The following GALK2 variants were observed in gnomAD, a reference collection of about 807,000 sequenced individuals.
GALK2 encodes the protein N-acetylgalactosamine kinase.
GALK2 carries 36 observed loss-of-function variants against 52.4 expected under a neutral mutation model. The observed-to-expected ratio is 0.69, with a 90% confidence interval of 0.53 to 0.91. The LOEUF is 0.91. Among genes scored for constraint, GALK2 ranks in the 40% least tolerant of loss-of-function variants. The pLI is 0.00. For synonymous variants in GALK2, 176 were observed against 199.1 expected (o/e 0.88, Z 0.98); for missense variants, 579 against 559.1 (o/e 1.04, Z -0.36).
At chr15:49,300,728 C>T (rs1238798680) in intron 8 of GALK2, among the ~76,000 whole-genome samples, 1 of 152,148 alleles carries the variant, frequency 6.6e-6, no homozygotes, top group Non-Finnish European at 1.5e-5. Flanking sequence ...TCACTTGGCA[C>T]TTCTCCTTGC....
At chr15:49,289,173 G>T (rs542193022) in intron 7 of GALK2, among the ~76,000 whole-genome samples, 42 of 152,272 alleles carry the variant, frequency 2.8e-4, no homozygotes, top group African/African-American at 8.9e-4. Flanking sequence ...GCTGCACGTG[G>T]TCAGGAGCCA....
At position 49,254,714 on chromosome 15, in the gene GALK2, C is replaced by T. The variant is rs2091742161; in HGVS notation, c.504+15347C>T. Among the ~76,000 whole-genome samples, 3 of 143,906 alleles carry T rather than the reference C, an allele frequency of 2.1e-5. 1 individual carries two copies. 94.4% of individuals were successfully genotyped at this position (143,906 alleles called of 152,430 possible). A position where few individuals can be genotyped will look rare whatever the true frequency, so the allele number is the denominator to read the frequency against. ...ATGTAGATTTTTTAGGGATAGTTCA[C>T]AGAAACCTATGTGTTAATGCAGGGT... On this transcript the variant is annotated intron_variant, in intron 5 of 9. Transcript: ENST00000560031.
intron 5 of GALK2, among the ~76,000 whole-genome samples, chr15:49,246,551 G>C (rs2091360629): frequency 6.6e-6 from 1 of 152,190 alleles, no homozygotes; most frequent in Non-Finnish European, 1.5e-5. Flanking sequence ...GATGAAGACT[G>C]AAAGAGCCAG....
chr15:49,259,849 C>T (rs1290259844), intron 5 of GALK2, among the ~76,000 whole-genome samples: 3 of 149,444 alleles, frequency 2.0e-5, no homozygotes, highest in Admixed American at 1.3e-4. Context: ...TTTGTTCTTG[C>T]GATACTTTAC....
intron 8 of GALK2, among the ~76,000 whole-genome samples, chr15:49,308,626 C>T (rs535090764): frequency 2.0e-5 from 3 of 152,244 alleles, no homozygotes; most frequent in South Asian, 2.1e-4. Flanking sequence ...TATGAGGCTA[C>T]GTGGAGAAAC....
chr15:49,291,582 C>T (rs1168353582), intron 7 of GALK2, among the ~76,000 whole-genome samples: 2 of 152,112 alleles, frequency 1.3e-5, no homozygotes, highest in Non-Finnish European at 2.9e-5. Context: ...TTTTGATTGC[C>T]ACCTACTCTG....
intron 8 of GALK2, among the ~76,000 whole-genome samples, chr15:49,314,136 G>A (rs1427100815): frequency 6.6e-6 from 1 of 152,186 alleles, no homozygotes; most frequent in Admixed American, 6.5e-5. Context: ...CTTGATTAGA[G>A]ATGGGTTCTG....
chr15:49,299,740 TTTCTTTCTTTCTTTCTTTCTTTC>T (rs2034851364), intron 8 of GALK2, among the ~76,000 whole-genome samples: 11 of 95,764 alleles, frequency 1.1e-4, no homozygotes, highest in South Asian at 7.3e-4. Flanking sequence ...CTTTCTTTTC[TTTCTTTCTTTCTTTCTTTCTTTC>T]TTTCTTTCTT....
At chr15:49,269,637 T>C (rs988237225) in intron 5 of GALK2, among the ~76,000 whole-genome samples, 30 of 152,320 alleles carry the variant, frequency 2.0e-4, no homozygotes, top group Non-Finnish European at 3.4e-4. Context: ...TCCCTAGGAA[T>C]TGAAGTTAAG....
At chr15:49,168,788 TA>T (rs1471840874), upstream of GALK2, among the ~76,000 whole-genome samples, 49 of 128,966 alleles carry the variant, frequency 3.8e-4, no homozygotes, top group Non-Finnish European at 6.4e-4. Context: ...CATTTTTTTT[TA>T]AAATTTAGGT....
intron 8 of GALK2, among the ~76,000 whole-genome samples, chr15:49,304,608 G>A (rs189689698): frequency 6.6e-6 from 1 of 152,210 alleles, no homozygotes; most frequent in Non-Finnish European, 1.5e-5. Context: ...TTCAGTGAGG[G>A]TGAGGTAGTA....
At chr15:49,336,775 T>C (rs565878268), downstream of GALK2, among the ~76,000 whole-genome samples, 2 of 152,266 alleles carry the variant, frequency 1.3e-5, no homozygotes, top group Non-Finnish European at 2.9e-5. Flanking sequence ...TTTCACGATA[T>C]TGAGGTTTGG....
intron 3 of GALK2, among the ~76,000 whole-genome samples, chr15:49,336,884 T>C (rs1427499144): frequency 6.6e-6 from 1 of 152,182 alleles, no homozygotes; most frequent in African/African-American, 2.4e-5. Context: ...CAGTATGCAG[T>C]GTCTATTGTT....
rs1158359568 is a variant in GALK2 at position 49,159,589 on chromosome 15, A to AT, written c.20+3573_20+3574insT. On this transcript the variant is annotated intron_variant, in intron 1 of 9. Transcript: ENST00000327171. ...AGACTCTGTCTCAAAAAAAAAAAAA[A>AT]AAATAAAATAAAATAAATAATTCCA... 8.7e-4 allele frequency among the ~76,000 whole-genome samples: 130 copies of AT among 150,288 alleles called. 1 individual carries two copies. The highest frequency in any genetic ancestry group is 3.0e-3 in the African/African-American group (121 of 40,990).
Position 49,345,881 on chromosome 15 carries a change from G to T in GALK2, c.427-21610G>T, listed in dbSNP as rs181920181. 9.9e-5 allele frequency among the ~76,000 whole-genome samples: 15 copies of T among 152,260 alleles called. No individual in the cohort carries two copies. The East Asian group carries it at 2.7e-3, about 27-fold the overall frequency. On this transcript the variant is annotated intron_variant, in intron 3 of 3. Coordinates refer to the GALK2 transcript ENST00000558399. The stretch of plus-strand genomic sequence containing the variant: ...TGAAGAAACTGAAGCTTCTAGAAGT[G>T]AAGTACCTTGCCTTTGAGAGATTGA...
At chr15:49,156,390 G>T (rs916380286) in intron 1 of GALK2, 12 of 416,664 alleles carry the variant, frequency 2.9e-5, no homozygotes, top group Non-Finnish European at 5.6e-5. Context: ...AGGGAAATCC[G>T]CAACATGAAG....
chr15:49,217,353 T>A, intron 3 of GALK2, 40 bp downstream of exon 3: 1 of 1,600,608 alleles, frequency 6.2e-7, no homozygotes, highest in Non-Finnish European at 8.5e-7. Flanking sequence ...TATGTATGGT[T>A]CTGTTTGTAC....
chr15:49,192,485 G>GTGTGTATATATATATATA (rs1360198549), intron 1 of GALK2, among the ~76,000 whole-genome samples: 2 of 102,972 alleles, frequency 1.9e-5, no homozygotes, highest in African/African-American at 8.1e-5. Flanking sequence ...ATATATATAT[G>GTGTGTATATATATATATA]TATATATATA....
At chr15:49,355,876 A>T (rs2043070826) in intron 3 of GALK2, among the ~76,000 whole-genome samples, 1 of 152,208 alleles carries the variant, frequency 6.6e-6, no homozygotes, top group Admixed American at 6.5e-5. Context: ...AGCCCATCAG[A>T]CTAACAGTGG....
Sources: allele counts gnomAD v4.1 joint callset (sites outside exome capture counted in the v4.1 genomes callset), GRCh38; gene constraint gnomAD v4.1.1; transcripts MANE v1.5; gene names NCBI Gene and HGNC (gene_info 2026-07-23, HGNC 2026-07-21).